Variants in LANCL1 observed in about 807,000 individuals in gnomAD.
LANCL1 encodes LanC like glutathione S-transferase 1, also known as glutathione S-transferase LANCL1.
Under a neutral mutation model 50.6 loss-of-function variants are expected in LANCL1, and 50 were observed. The ratio of observed to expected loss-of-function variants is 0.99; its 90% CI spans 0.79 to 1.25. The LOEUF (loss-of-function observed/expected upper bound fraction) is 1.25, where lower values mean the gene tolerates loss of function less well. Among genes scored for constraint, LANCL1 ranks in the 50% most tolerant of loss-of-function variants. LANCL1 has a pLI of 0.00. For synonymous variants in LANCL1, 188 were observed against 178.6 expected (o/e 1.05, Z -0.42); for missense variants, 532 against 480.7 (o/e 1.11, Z -1.00).
At chr2:210,461,960 A>C (rs1693877289) in intron 3 of LANCL1, among the ~76,000 whole-genome samples, 1 of 152,238 alleles carries the variant, frequency 6.6e-6, no homozygotes, top group African/African-American at 2.4e-5. Flanking sequence ...TTCTAACACA[A>C]GAACACCTTA....
intron 7 of LANCL1, among the ~76,000 whole-genome samples, chr2:210,436,987 T>G (rs1206995389): frequency 2.0e-5 from 3 of 152,188 alleles, no homozygotes; most frequent in Admixed American, 6.5e-5. Flanking sequence ...CTCTGAAATG[T>G]AGAATATGAT....
At chr2:210,468,055 G>C (rs889302176) in intron 3 of LANCL1, 3 of 152,164 alleles carry the variant, frequency 2.0e-5, no homozygotes, top group Admixed American at 6.6e-5. Flanking sequence ...ATGTTTTACA[G>C]TATTAAGTTT....
chr2:210,477,489 T>C, upstream of LANCL1: 2 of 1,266,464 alleles, frequency 1.6e-6, no homozygotes, highest in Non-Finnish European at 2.0e-6. Context: ...CAGAGAATTT[T>C]GGAGTTCAGT....
In LANCL1 at chr2:210,455,317, G is replaced by A. The variant is rs1478413587; in HGVS notation, c.200-3C>T. 158 of 1,421,274 alleles carry A rather than the reference G, an allele frequency of 1.1e-4. No homozygotes were observed. Among genetic ancestry groups the A allele is most frequent in the Middle Eastern group, 2.2e-4 (1 of 4,474 alleles). 88.0% of individuals were successfully genotyped at this position (1,421,274 alleles called of 1,614,324 possible). A position where few individuals can be genotyped will look rare whatever the true frequency, so the allele number is the denominator to read the frequency against. On this transcript the variant is annotated splice_polypyrimidine_tract_variant and splice_region_variant and intron_variant, in intron 3 of 9. Transcript: ENST00000450366. ...ATGTAAGTAAAGCACAGCAATACCT[G>A]AAAAAAAAAAAAGGAAACAATGTAA...
chr2:210,435,355 T>G (rs766346264), intron 9 of LANCL1, 32 bp downstream of exon 9: 1 of 1,538,276 alleles, frequency 6.5e-7, no homozygotes, highest in South Asian at 1.1e-5. Flanking sequence ...ATGCTGATAT[T>G]ATAGGGCAAA....
At chr2:210,461,793 C>G (rs1180143616) in intron 3 of LANCL1, among the ~76,000 whole-genome samples, 1 of 150,938 alleles carries the variant, frequency 6.6e-6, no homozygotes, top group East Asian at 2.0e-4. Context: ...CCTTAAGAAT[C>G]GTCACAGTTA....
At chr2:210,455,026 C>T in intron 4 of LANCL1, 81 bp downstream of exon 4, 1 of 1,177,048 alleles carries the variant, frequency 8.5e-7, no homozygotes, top group Non-Finnish European at 1.2e-6. Flanking sequence ...AGTAAACTCA[C>T]TAGAATGTTC....
chr2:210,459,571 T>C (rs1156506663), intron 3 of LANCL1, among the ~76,000 whole-genome samples: 2 of 152,080 alleles, frequency 1.3e-5, no homozygotes, highest in Admixed American at 6.6e-5. Flanking sequence ...CTAGTGGCTG[T>C]CGCGATGGAA....
intron 6 of LANCL1, among the ~76,000 whole-genome samples, chr2:210,438,631 G>A (rs557414713): frequency 6.6e-6 from 1 of 152,214 alleles, no homozygotes; most frequent in South Asian, 2.1e-4. Flanking sequence ...GAAGAGATAG[G>A]TGGTATTTTC....
intron 3 of LANCL1, among the ~76,000 whole-genome samples, chr2:210,467,468 C>A (rs975012373): frequency 1.3e-5 from 2 of 152,176 alleles, no homozygotes; most frequent in African/African-American, 4.8e-5. Flanking sequence ...TTATAATGAT[C>A]CACTTCCACT....
At chr2:210,440,458 G>T in intron 6 of LANCL1, 140 bp downstream of exon 6, 2 of 772,122 alleles carry the variant, frequency 2.6e-6, no homozygotes, top group Non-Finnish European at 3.9e-6. Context: ...TGTTTGTCTA[G>T]GACAAGTAAT....
At chr2:210,475,693 G>A (rs1694335368) in intron 2 of LANCL1, among the ~76,000 whole-genome samples, 1 of 152,148 alleles carries the variant, frequency 6.6e-6, no homozygotes, top group Non-Finnish European at 1.5e-5. Flanking sequence ...CACCCAATGA[G>A]GCATGAGAAA....
At chr2:210,449,043 A>T (rs1693433601) in intron 4 of LANCL1, among the ~76,000 whole-genome samples, 1 of 152,180 alleles carries the variant, frequency 6.6e-6, no homozygotes, top group Non-Finnish European at 1.5e-5. Context: ...GCAGAGACAC[A>T]ACAAAAAAAA....
At chr2:210,476,265 C>A (rs778237597) in intron 2 of LANCL1, 51 bp downstream of exon 2, 11 of 1,402,920 alleles carry the variant, frequency 7.8e-6, no homozygotes, top group Non-Finnish European at 8.0e-6. Context: ...AGCACCTTTC[C>A]GAACACCGTG....
At chr2:210,446,297 C>T (rs1185938550) in intron 4 of LANCL1, among the ~76,000 whole-genome samples, 26 of 151,890 alleles carry the variant, frequency 1.7e-4, no homozygotes, top group Admixed American at 1.6e-3. Context: ...CTGGAGGCGC[C>T]ACTGGTGATC....
chr2:210,435,245 A>T (rs1472519839), intron 9 of LANCL1, 142 bp downstream of exon 9: 3 of 640,880 alleles, frequency 4.7e-6, no homozygotes, highest in Non-Finnish European at 8.1e-6. Flanking sequence ...TTGATTTTTA[A>T]TATCGATTTA....
chr2:210,435,512 C>G (rs1692897444), intron 8 of LANCL1, 53 bp from the exon 9 acceptor site: 2 of 1,396,414 alleles, frequency 1.4e-6, no homozygotes, highest in Admixed American at 1.7e-5. Flanking sequence ...AGAGACAACC[C>G]CAAAAGTTAA....
intron 3 of LANCL1, among the ~76,000 whole-genome samples, chr2:210,463,209 TATTTA>T (rs1424994522): frequency 6.6e-6 from 1 of 152,096 alleles, no homozygotes; most frequent in Non-Finnish European, 1.5e-5. Context: ...CATAAAGGTT[TATTTA>T]TTTATTTTTT....
chr2:210,464,484 T>C (rs1354397047), intron 3 of LANCL1, among the ~76,000 whole-genome samples: 1 of 151,928 alleles, frequency 6.6e-6, no homozygotes, highest in Non-Finnish European at 1.5e-5. Context: ...ATATATATAG[T>C]GGAAACTTTT....
Sources: allele counts gnomAD v4.1 joint callset (sites outside exome capture counted in the v4.1 genomes callset), GRCh38; gene constraint gnomAD v4.1.1; transcripts MANE v1.5; gene names NCBI Gene and HGNC (gene_info 2026-07-23, HGNC 2026-07-21).